The following ADGRV1 variants were observed in gnomAD, a reference collection of about 807,000 sequenced individuals.
ADGRV1 encodes G-protein coupled receptor 98.
ADGRV1 carries 359 observed loss-of-function variants against 596.2 expected under a neutral mutation model. That is an observed-to-expected ratio of 0.60 (90% CI 0.55 to 0.66). ADGRV1 has a LOEUF of 0.66. Among genes scored for constraint, ADGRV1 ranks in the 30% least tolerant of loss-of-function variants. ADGRV1 has a pLI of 0.00. For missense variants in ADGRV1, 7,274 were observed against 7,575.6 expected (o/e 0.96, Z 1.48); for synonymous variants, 2,681 against 2,679.2 (o/e 1.00, Z -0.02).
At chr5:90,700,866 C>T (rs886942184) in intron 34 of ADGRV1, among the ~76,000 whole-genome samples, 13 of 151,984 alleles carry the variant, frequency 8.6e-5, no homozygotes, top group African/African-American at 3.1e-4. Flanking sequence ...CATGTATACA[C>T]GAATCTATTA....
At chr5:90,705,271 C>T in intron 36 of ADGRV1, 129 bp from the exon 37 acceptor site, 2 of 719,968 alleles carry the variant, frequency 2.8e-6, no homozygotes, top group Non-Finnish European at 4.5e-6. Context: ...CTTTTGTTAA[C>T]CTGAAGATTT....
intron 86 of ADGRV1, among the ~76,000 whole-genome samples, chr5:91,086,056 T>C (rs1442603258): frequency 1.3e-5 from 2 of 152,190 alleles, no homozygotes; most frequent in African/African-American, 4.8e-5. Flanking sequence ...CAGCCTTCCT[T>C]GAAAAGTCCA....
intron 87 of ADGRV1, among the ~76,000 whole-genome samples, chr5:91,128,281 C>T (rs1582141282): frequency 6.6e-6 from 1 of 151,918 alleles, no homozygotes; most frequent in Non-Finnish European, 1.5e-5. Flanking sequence ...CTTAGAATGA[C>T]TTAAGATTTT....
chr5:90,574,862 A>G (rs1302219050), intron 1 of ADGRV1, among the ~76,000 whole-genome samples: 1 of 152,110 alleles, frequency 6.6e-6, no homozygotes, highest in African/African-American at 2.4e-5. Context: ...TAGATTTTCT[A>G]ATTTGAGTGC....
chr5:90,742,497 T>G (rs747464163), intron 50 of ADGRV1, among the ~76,000 whole-genome samples: 1 of 152,096 alleles, frequency 6.6e-6, no homozygotes, highest in Non-Finnish European at 1.5e-5. Flanking sequence ...TAACTGAAGA[T>G]GTAATCAGAT....
intron 84 of ADGRV1, among the ~76,000 whole-genome samples, chr5:90,983,973 A>G (rs1021716491): frequency 1.3e-5 from 2 of 152,184 alleles, no homozygotes; most frequent in African/African-American, 4.8e-5. Context: ...TTCAAATAGA[A>G]AAGTGTTTAT....
In ADGRV1 at chr5:90,647,519, A is replaced by G. The variant is rs773247388; in HGVS notation, c.3044A>G (p.Gln1015Arg). 3 of 1,613,168 alleles carry G rather than the reference A, an allele frequency of 1.9e-6. No homozygotes were observed. Among genetic ancestry groups the G allele is most frequent in the Non-Finnish European group, 1.7e-6 (2 of 1,179,318 alleles). ...TCAGAACCTCGTGTAGTGAGGGTTC[A>G]GGAAGGTGAGACTGCCAACTTTACA... ...YFAEPRVVRV[Q>R]EGETANFTVL... is the part of the protein sequence containing the mutation. The change falls in exon 17 of 90, where the codon CAG (glutamine) becomes CGG (arginine). Residue 1015 changes from glutamine (Q) to arginine (R), a missense_variant. Coordinates refer to ENST00000405460, the MANE Select transcript of ADGRV1 (RefSeq NM_032119.4).
Position 90,807,677 on chromosome 5 carries a change from A to G in ADGRV1, c.14912A>G (p.Glu4971Gly). The G allele has an allele frequency of 6.2e-7, 1 of 1,612,342 alleles. No individual in the cohort carries two copies. The highest frequency in any genetic ancestry group is 8.5e-7 in the Non-Finnish European group (1 of 1,178,650). Residue 4971 changes from glutamate (E) to glycine (G), a missense_variant, in exon 73 of 90, where the codon GAG becomes GGG. Physicochemically the swap from Glu to Gly is moderately conservative, Grantham distance 98. Transcript: ENST00000405460. ...ACGTTTCCTAGCCCTGGTTGGCCAG[A>G]GGCCTTTGTTCTTCACCTATCAGGA... Reference protein sequence around the residue: ...LWTFPSPGWPEAFVLHLSGVQ... With the variant: ...LWTFPSPGWPGAFVLHLSGVQ...
Position 90,579,168 on chromosome 5 carries a change from TG to T in ADGRV1, c.22+20252del, listed in dbSNP as rs558358891. ...GCTAGCTTTTGAATGTGTTTGCTCTTGCTTCTCTAGTTCTTTTAATTGTGAT... is the reference window on the plus strand; with the variant it reads ...GCTAGCTTTTGAATGTGTTTGCTCTTCTTCTCTAGTTCTTTTAATTGTGAT... On this transcript the variant is annotated intron_variant, in intron 1 of 89. Transcript: ENST00000405460. Among the ~76,000 whole-genome samples the T allele has an allele frequency of 1.9e-3, 289 of 152,320 alleles. 3 individuals carry two copies. Among genetic ancestry groups the T allele is most frequent in the Middle Eastern group, 0.01 (3 of 294 alleles).
intron 70 of ADGRV1, among the ~76,000 whole-genome samples, chr5:90,798,367 T>C (rs1760982899): frequency 6.6e-6 from 1 of 152,128 alleles, no homozygotes; most frequent in South Asian, 2.1e-4. Context: ...CTCCCAAGAC[T>C]ACACCAGGAA....
chr5:91,070,376 G>C (rs574979160), intron 85 of ADGRV1, among the ~76,000 whole-genome samples: 3 of 152,292 alleles, frequency 2.0e-5, no homozygotes, highest in Admixed American at 6.5e-5. Context: ...GATTCCCCCT[G>C]AGTTGTCTTC....
Position 90,692,784 on chromosome 5 carries a change from A to C in ADGRV1, c.7131A>C (p.Arg2377=). 1.9e-6 allele frequency: 3 copies of C among 1,589,040 alleles called. No homozygotes were observed. In the Admixed American group the frequency reaches 5.4e-5, roughly 28 times the overall value. The change falls in exon 32 of 90, where the codon CGA becomes CGC. Residue 2377 remains arginine, a splice_region_variant and synonymous_variant. Transcript: ENST00000405460. ...RSSCANITVR[R]SGGHFGRLLL... Reference sequence around the variant, plus strand: ...CCTGTGCTAATATAACTGTCAGGCGAAGGTATATGAGATAGCTACTTGCCT... The same window carrying C: ...CCTGTGCTAATATAACTGTCAGGCGCAGGTATATGAGATAGCTACTTGCCT...
At position 90,720,197 on chromosome 5, in the gene ADGRV1, A is replaced by G. The variant is rs751042349; in HGVS notation, c.9597A>G (p.Leu3199=). 1.8e-5 allele frequency: 29 copies of G among 1,588,100 alleles called. No individual in the cohort carries two copies. The South Asian group carries it at 2.6e-4, about 14-fold the overall frequency. Residue 3199 remains leucine (L), a synonymous_variant, in exon 44 of 90, where the codon CTA becomes CTG. Transcript: ENST00000405460. ...TGCAAAACCAGGCCCCTTTGGGGCT[A>G]TTCAGTATCTCTGCAGTTGAAAATA... The part of the protein sequence containing the change: ...TVLQNQAPLG[L]FSISAVENRA...
At chr5:90,823,676 A>G (rs1389182891) in intron 76 of ADGRV1, 80 bp downstream of exon 76, 22 of 1,244,730 alleles carry the variant, frequency 1.8e-5, no homozygotes, top group Non-Finnish European at 2.4e-5. Context: ...CACTATTGAA[A>G]CTTACACATT....
chr5:90,814,638 A>T (rs1762734252), intron 74 of ADGRV1, among the ~76,000 whole-genome samples: 1 of 152,114 alleles, frequency 6.6e-6, no homozygotes, highest in Admixed American at 6.6e-5. Context: ...CTCTCCTGCC[A>T]CCATATATGA....
At chr5:90,767,697 A>G (rs765533191) in intron 59 of ADGRV1, among the ~76,000 whole-genome samples, 100 of 150,488 alleles carry the variant, frequency 6.6e-4, no homozygotes, top group Non-Finnish European at 1.3e-3. Context: ...TTTCAGTCTA[A>G]TGACTCTTCT....
At chr5:90,719,611 A>G (rs1448832754) in intron 43 of ADGRV1, among the ~76,000 whole-genome samples, 1 of 152,148 alleles carries the variant, frequency 6.6e-6, no homozygotes, top group African/African-American at 2.4e-5. Flanking sequence ...ATTTTATAAA[A>G]TAGACCACTA....
intron 28 of ADGRV1, among the ~76,000 whole-genome samples, chr5:90,685,229 C>CTA (rs1745448676): frequency 1.3e-5 from 2 of 151,978 alleles, no homozygotes; most frequent in African/African-American, 4.8e-5. Context: ...TTTTGAATCC[C>CTA]GAATGTCTAG....
chr5:90,572,842 G>A (rs1286022008), intron 1 of ADGRV1, among the ~76,000 whole-genome samples: 2 of 152,144 alleles, frequency 1.3e-5, no homozygotes, highest in Non-Finnish European at 2.9e-5. Flanking sequence ...ATTGGAATTA[G>A]AATGGACTGG....
Sources: gnomAD v4.1 joint callset for allele counts (sites outside exome capture counted in the v4.1 genomes callset) on GRCh38, gnomAD v4.1.1 for gene constraint, MANE v1.5 for transcripts, NCBI Gene and HGNC (gene_info 2026-07-23, HGNC 2026-07-21) for gene names.